COL8A2: variants seen among roughly 807,000 people sequenced by gnomAD.
The protein encoded by COL8A2 is collagen alpha-2(VIII) chain.
Under a neutral mutation model 24.0 loss-of-function variants are expected in COL8A2, and 16 were observed. That is an observed-to-expected ratio of 0.67 (90% CI 0.45 to 1.01). The LOEUF (loss-of-function observed/expected upper bound fraction) is 1.01. Among genes scored for constraint, COL8A2 ranks in the 50% least tolerant of loss-of-function variants. The pLI is 0.00. For synonymous variants in COL8A2, 466 were observed against 424.5 expected, an observed-to-expected ratio of 1.10 and a Z score of -1.20; for missense variants, 818 against 942.4, an observed-to-expected ratio of 0.87 and a Z score of 1.73.
chr1:36,116,755 G>A (rs1470758763), intron 1 of COL8A2, among the ~76,000 whole-genome samples: 2 of 152,232 alleles, frequency 1.3e-5, no homozygotes, highest in Non-Finnish European at 2.9e-5. Flanking sequence ...AGGTCCAGAA[G>A]TGCTGTGGGA....
intron 1 of COL8A2, among the ~76,000 whole-genome samples, chr1:36,121,091 T>TA (rs199759654): frequency 0.1 from 10,511 of 102,504 alleles, 885 homozygotes; most frequent in East Asian, 0.29. Flanking sequence ...TCCGTCTTAA[T>TA]AAAAAAAAAA....
intron 2 of COL8A2, 38 bp from the exon 3 acceptor site, chr1:36,100,296 T>C (rs947910223): frequency 7.9e-6 from 12 of 1,528,606 alleles, no homozygotes; most frequent in Non-Finnish European, 9.7e-6. Flanking sequence ...AAGCCAGCCC[T>C]GGGTGGTTTG....
Position 36,096,525 on chromosome 1 carries a change from G to A in COL8A2, c.*1044C>T, listed in dbSNP as rs1273567020. 1.3e-5 allele frequency: 2 copies of A among 152,152 alleles called. No homozygotes were observed. Among genetic ancestry groups the A allele is most frequent in the Non-Finnish European group, 2.9e-5 (2 of 68,074 alleles). 9.4% of individuals were successfully genotyped at this position (152,152 alleles called of 1,614,324 possible). ...TGGTTCTTATTAAGGAAAAGGAAGT[G>A]GGAGCCGTCTTCATCCCCCAGCTCG... On this transcript the variant is annotated 3_prime_UTR_variant, in exon 4 of 4. Coordinates refer to ENST00000397799, the MANE Select transcript of COL8A2 (RefSeq NM_005202.4).
chr1:36,122,817 C>T (rs929406035), intron 1 of COL8A2, among the ~76,000 whole-genome samples: 1 of 152,140 alleles, frequency 6.6e-6, no homozygotes, highest in Non-Finnish European at 1.5e-5. Context: ...CACACCCTTT[C>T]TCTAGACAGG....
At chr1:36,121,347 C>A (rs542338818) in intron 1 of COL8A2, among the ~76,000 whole-genome samples, 8 of 133,928 alleles carry the variant, frequency 6.0e-5, no homozygotes, top group Non-Finnish European at 1.2e-4. Flanking sequence ...CGAGACCATG[C>A]CACTACACTC....
intron 2 of COL8A2, among the ~76,000 whole-genome samples, chr1:36,106,986 C>G (rs901846777): frequency 6.6e-6 from 1 of 151,868 alleles, no homozygotes; most frequent in African/African-American, 2.4e-5. Context: ...GCTGGAAGAC[C>G]AGGTGTCAGG....
At chr1:36,105,059 C>T (rs58259643) in intron 2 of COL8A2, among the ~76,000 whole-genome samples, 74 of 152,098 alleles carry the variant, frequency 4.9e-4, no homozygotes, top group African/African-American at 1.6e-3. Flanking sequence ...GGGTTGTGGG[C>T]GTCTGGGGAT....
At chr1:36,104,628 T>C (rs1400900580) in intron 2 of COL8A2, among the ~76,000 whole-genome samples, 1 of 151,560 alleles carries the variant, frequency 6.6e-6, no homozygotes, top group Admixed American at 6.6e-5. Context: ...ACCCCGTCTC[T>C]ACTAAAAATA....
At position 36,098,015 on chromosome 1, in the gene COL8A2, G is replaced by T. The variant is rs756508554; in HGVS notation, c.1666C>A (p.Leu556Met). The T allele has an allele frequency of 1.3e-6, 2 of 1,596,202 alleles. No homozygotes were observed. Among genetic ancestry groups the T allele is most frequent in the Non-Finnish European group, 8.5e-7 (1 of 1,175,646 alleles). Residue 556 changes from leucine (L) to methionine (M), a missense_variant, in exon 4 of 4, where the codon CTG (leucine) becomes ATG (methionine). Physicochemically the swap from Leu to Met is conservative, Grantham distance 15. This residue lies in a region of COL8A2 where 235 missense variants were observed against 297.3 expected (regional missense o/e 0.79). Transcript: ENST00000397799. ...LPNGGVEGAV[L>M]GKGGKPQFGL... is the part of the protein sequence containing the mutation. ...AACTGTGGCTTGCCCCCCTTGCCCAGCACGGCACCCTCCACACCGCCGTTG... is the reference window on the plus strand; with the variant it reads ...AACTGTGGCTTGCCCCCCTTGCCCATCACGGCACCCTCCACACCGCCGTTG...
rs1643617076 is a variant in COL8A2 at position 36,098,600 on chromosome 1, CA to C, written c.1080del (p.Gly361AspfsTer98). 1 of 1,611,034 alleles carries C rather than the reference CA, an allele frequency of 6.2e-7. No homozygotes were observed. Among genetic ancestry groups the C allele is most frequent in the Middle Eastern group, 1.7e-4 (1 of 6,048 alleles). On this transcript the variant is annotated frameshift_variant, in exon 4 of 4. Coordinates refer to ENST00000397799, the MANE Select transcript of COL8A2 (RefSeq NM_005202.4). LOFTEE classifies it high-confidence loss of function. Reference sequence around the variant, plus strand: ...GGAAGCCCTGCAGACCCAGGAAGTCCAGGGGGACCCCCAAGACCCTGTGGGC... The same window carrying C: ...GGAAGCCCTGCAGACCCAGGAAGTCCGGGGGACCCCCAAGACCCTGTGGGC... ...EQGPQGLGGP[P>X]GLPGSAGLPG...
chr1:36,099,431 T>G lies in COL8A2; in HGVS notation c.250A>C (p.Lys84Gln), dbSNP rs1362224357. The G allele has an allele frequency of 6.5e-7, 1 of 1,545,400 alleles. No homozygotes were observed. The highest frequency in any genetic ancestry group is 8.7e-7 in the Non-Finnish European group (1 of 1,150,286). The change falls in exon 4 of 4, where the codon AAG becomes CAG. Residue 84 changes from lysine (K) to glutamine (Q), a missense_variant. Physicochemically the swap from Lys to Gln is moderately conservative, Grantham distance 53. Transcript: ENST00000397799. ...DLKGEPGPPG[K>Q]PGPRGPPGPP... ...CCAGGGGGACCCCGAGGCCCGGGCT[T>G]CCCAGGGGGGCCGGGCTCTCCCTTC...
chr1:36,124,754 G>A lies in COL8A2; in HGVS notation c.-62+303C>T, dbSNP rs72906731. The stretch of plus-strand genomic sequence containing the variant: ...ACGGGAGATCGGGAGGTGGTGACGC[G>A]CCCAGAGCCACATCGTCGGGGGTTG... On this transcript the variant is annotated intron_variant, in intron 1 of 3. Transcript: ENST00000397799. 4.3e-3 allele frequency among the ~76,000 whole-genome samples: 649 copies of A among 152,108 alleles called. 6 individuals are homozygous for A. The highest frequency in any genetic ancestry group is 0.015 in the African/African-American group (624 of 41,484).
In COL8A2 at chr1:36,095,412, A is replaced by AAGTGAAAT. The variant is rs1324835061; in HGVS notation, c.*2149_*2156dup. 7.9e-5 allele frequency: 12 copies of AAGTGAAAT among 152,332 alleles called. No homozygotes were observed. In the Middle Eastern group the frequency reaches 0.01, roughly 130 times the overall value. 9.4% of individuals were successfully genotyped at this position (152,332 alleles called of 1,614,324 possible). On this transcript the variant is annotated 3_prime_UTR_variant, in exon 4 of 4. Coordinates refer to ENST00000397799, the MANE Select transcript of COL8A2 (RefSeq NM_005202.4). Reference sequence around the variant, plus strand: ...AGCTAAGCTTCCTATACCAAGTTAGAAGTGAAATGACTAGTGGAAAACATT... The same window carrying AAGTGAAAT: ...AGCTAAGCTTCCTATACCAAGTTAGAAGTGAAATAGTGAAATGACTAGTGGAAAACATT...
At chr1:36,103,899 T>A (rs1490083589) in intron 2 of COL8A2, among the ~76,000 whole-genome samples, 1 of 151,858 alleles carries the variant, frequency 6.6e-6, no homozygotes, top group Non-Finnish European at 1.5e-5. Context: ...CTGTTATTTT[T>A]TTAAAGTGAG....
At chr1:36,124,491 A>C (rs1643936788) in intron 1 of COL8A2, among the ~76,000 whole-genome samples, 1 of 152,014 alleles carries the variant, frequency 6.6e-6, no homozygotes, top group Admixed American at 6.6e-5. Context: ...CCCTGACAGG[A>C]ACATTCCTGG....
At chr1:36,101,940 A>T (rs1643683949) in intron 2 of COL8A2, among the ~76,000 whole-genome samples, 2 of 152,046 alleles carry the variant, frequency 1.3e-5, no homozygotes, top group African/African-American at 2.4e-5. Flanking sequence ...GTACTTTGGG[A>T]GGCAGAGGTG....
intron 2 of COL8A2, among the ~76,000 whole-genome samples, chr1:36,114,391 T>C (rs1643870068): frequency 6.6e-6 from 1 of 150,870 alleles, no homozygotes; most frequent in Non-Finnish European, 1.5e-5. Context: ...GGATTCCCCC[T>C]TGGGGAACAC....
At chr1:36,111,447 C>G (rs1019849165) in intron 2 of COL8A2, among the ~76,000 whole-genome samples, 4 of 152,194 alleles carry the variant, frequency 2.6e-5, no homozygotes, top group African/African-American at 9.7e-5. Flanking sequence ...TCTCTTCTCT[C>G]TGGATGTTTC....
Position 36,098,298 on chromosome 1 carries a change from G to A in COL8A2, c.1383C>T (p.Pro461=). The change falls in exon 4 of 4, where the codon CCC becomes CCT. Residue 461 remains proline, a synonymous_variant. Transcript: ENST00000397799. ...GLPGQPGLRG[P]SGIPGLQGPA... ...GACCCTGGAGTCCTGGGATTCCTGA[G>A]GGACCCCTCAGGCCAGGCTGCCCAG... The A allele has an allele frequency of 6.5e-7, 1 of 1,547,308 alleles. No homozygotes were observed. Among genetic ancestry groups the A allele is most frequent in the Non-Finnish European group, 8.7e-7 (1 of 1,146,064 alleles).
Sources: allele counts gnomAD v4.1 joint callset (sites outside exome capture counted in the v4.1 genomes callset), GRCh38; gene constraint gnomAD v4.1.1; regional missense constraint gnomAD v4.1.1; transcripts MANE v1.5; gene names NCBI Gene and HGNC (gene_info 2026-07-23, HGNC 2026-07-21).